PDE11A: variants seen among roughly 807,000 people sequenced by gnomAD.
PDE11A encodes the protein dual 3',5'-cyclic-AMP and -GMP phosphodiesterase 11A.
In PDE11A, 100 loss-of-function variants were observed where a neutral mutation model predicts 100.5. That is an observed-to-expected ratio of 1.00 (90% CI 0.85 to 1.18). The LOEUF (loss-of-function observed/expected upper bound fraction) is 1.18. Among genes scored for constraint, PDE11A ranks in the 50% most tolerant of loss-of-function variants. The pLI is 0.00. For missense variants in PDE11A, 1,141 were observed against 1,152.6 expected, an observed-to-expected ratio of 0.99 and a Z score of 0.15; for synonymous variants, 381 against 420.8, an observed-to-expected ratio of 0.91 and a Z score of 1.16.
chr2:177,767,200 C>T (rs750538937), intron 10 of PDE11A, among the ~76,000 whole-genome samples: 5 of 152,094 alleles, frequency 3.3e-5, no homozygotes, highest in African/African-American at 1.2e-4. Context: ...CATGGTGATG[C>T]GCGCCTGTAA....
At chr2:177,842,717 G>A (rs1303451355) in intron 5 of PDE11A, among the ~76,000 whole-genome samples, 1 of 152,186 alleles carries the variant, frequency 6.6e-6, no homozygotes, top group Non-Finnish European at 1.5e-5. Context: ...GACTCAAGAG[G>A]TACTGCAGAA....
intron 2 of PDE11A, among the ~76,000 whole-genome samples, chr2:178,081,267 C>T (rs1463091721): frequency 6.6e-6 from 1 of 152,096 alleles, no homozygotes; most frequent in South Asian, 2.1e-4. Flanking sequence ...TATAAATACA[C>T]GTTTTTGGCA....
intron 1 of PDE11A, among the ~76,000 whole-genome samples, chr2:178,029,638 A>G (rs1013037796): frequency 3.3e-5 from 5 of 152,182 alleles, no homozygotes; most frequent in African/African-American, 1.2e-4. Context: ...AAATGGAAAA[A>G]ATAATACAAA....
chr2:177,841,640 A>G (rs1194740196), intron 5 of PDE11A, among the ~76,000 whole-genome samples: 1 of 152,244 alleles, frequency 6.6e-6, no homozygotes, highest in African/African-American at 2.4e-5. Flanking sequence ...CATCATTAAT[A>G]TATCTCATCT....
At position 177,902,450 on chromosome 2, in the gene PDE11A, C is replaced by G. The variant is rs372134395; in HGVS notation, c.1161+2648G>C. On this transcript the variant is annotated intron_variant, in intron 3 of 19. Transcript: ENST00000286063. ...ACTCTCTTCACACGGATGTGTGTGACAATATCCAATTCAACAGATAATGGA... is the reference window on the plus strand; with the variant it reads ...ACTCTCTTCACACGGATGTGTGTGAGAATATCCAATTCAACAGATAATGGA... Among the ~76,000 whole-genome samples the G allele has an allele frequency of 5.3e-5, 8 of 152,326 alleles. No homozygotes were observed. The East Asian group carries it at 9.6e-4, about 18-fold the overall frequency.
chr2:177,673,681 A>G (rs984237373), intron 17 of PDE11A, among the ~76,000 whole-genome samples: 1 of 152,080 alleles, frequency 6.6e-6, no homozygotes, highest in African/African-American at 2.4e-5. Context: ...TGGAGGAAGG[A>G]TGGGTATATT....
intron 2 of PDE11A, among the ~76,000 whole-genome samples, chr2:178,012,628 T>G (rs934582545): frequency 2.0e-5 from 3 of 152,172 alleles, no homozygotes; most frequent in Non-Finnish European, 4.4e-5. Flanking sequence ...CAGAGTCCTG[T>G]GCAAATCTTC....
chr2:177,699,540 T>C (rs1403049063), intron 14 of PDE11A, among the ~76,000 whole-genome samples: 1 of 152,212 alleles, frequency 6.6e-6, no homozygotes, highest in Non-Finnish European at 1.5e-5. Context: ...TTATGTGCCT[T>C]AACGTTTTGG....
intron 2 of PDE11A, among the ~76,000 whole-genome samples, chr2:177,939,093 G>T (rs529197662): frequency 3.3e-5 from 5 of 152,146 alleles, no homozygotes; most frequent in Non-Finnish European, 7.4e-5. Context: ...CTGGTATTTT[G>T]TTATTCCAGC....
At chr2:177,796,319 G>A (rs1452958352) in intron 9 of PDE11A, among the ~76,000 whole-genome samples, 2 of 152,024 alleles carry the variant, frequency 1.3e-5, no homozygotes, top group South Asian at 4.1e-4. Context: ...TATATTCCAG[G>A]TACCTGGGAT....
At chr2:177,680,940 A>C (rs1461666438) in intron 15 of PDE11A, 37 bp from the exon 16 acceptor site, 2 of 1,188,770 alleles carry the variant, frequency 1.7e-6, no homozygotes, top group East Asian at 2.3e-5. Flanking sequence ...AAGAAAAAAA[A>C]AACTGGAATG....
At chr2:177,735,095 C>T (rs2081755953) in intron 10 of PDE11A, among the ~76,000 whole-genome samples, 1 of 152,218 alleles carries the variant, frequency 6.6e-6, no homozygotes, top group South Asian at 2.1e-4. Context: ...TACAGAGAAG[C>T]AAACGGGCAA....
chr2:178,002,923 C>T (rs751465308), intron 2 of PDE11A, among the ~76,000 whole-genome samples: 2 of 152,022 alleles, frequency 1.3e-5, no homozygotes, highest in African/African-American at 2.4e-5. Context: ...TTAAAACAAA[C>T]GTTCCACCAA....
intron 1 of PDE11A, among the ~76,000 whole-genome samples, chr2:178,050,258 G>A (rs2086806834): frequency 6.6e-6 from 1 of 152,196 alleles, no homozygotes; most frequent in Non-Finnish European, 1.5e-5. Flanking sequence ...TGGACCTCCA[G>A]CAAACTCCAA....
At chr2:177,744,313 C>T (rs938322538) in intron 10 of PDE11A, among the ~76,000 whole-genome samples, 8 of 150,080 alleles carry the variant, frequency 5.3e-5, no homozygotes, top group African/African-American at 1.7e-4. Context: ...GTGTGCCAAC[C>T]AGTTGGACCT....
At chr2:178,010,090 T>C (rs2086258617) in intron 2 of PDE11A, among the ~76,000 whole-genome samples, 2 of 152,192 alleles carry the variant, frequency 1.3e-5, no homozygotes, top group African/African-American at 4.8e-5. Context: ...CTAAGCACTT[T>C]ACATCTATTA....
At chr2:177,721,608 T>C (rs548483023) in intron 12 of PDE11A, among the ~76,000 whole-genome samples, 4 of 152,116 alleles carry the variant, frequency 2.6e-5, no homozygotes, top group Non-Finnish European at 5.9e-5. Flanking sequence ...ACCCTAACAA[T>C]ATTTGTGCTT....
Position 177,660,893 on chromosome 2 carries a change from A to G in PDE11A, c.2646+2973T>C, listed in dbSNP as rs554475684. ...GAAGTCAAAAAGCTGTACCAAAACC[A>G]TATGCATATGTACTGCCCAGCAGCC... On this transcript the variant is annotated intron_variant, in intron 19 of 19. Coordinates refer to ENST00000286063, the MANE Select transcript of PDE11A (RefSeq NM_016953.4). Among the ~76,000 whole-genome samples the G allele has an allele frequency of 5.7e-4, 87 of 152,350 alleles. 1 individual carries two copies. Among genetic ancestry groups the G allele is most frequent in the African/African-American group, 2.0e-3 (84 of 41,572 alleles).
intron 5 of PDE11A, among the ~76,000 whole-genome samples, chr2:177,870,144 A>G (rs1303456928): frequency 6.6e-6 from 1 of 152,040 alleles, no homozygotes; most frequent in African/African-American, 2.4e-5. Context: ...GATGTATTTC[A>G]GTAACCAAAT....
Sources: gnomAD v4.1 joint callset for allele counts (sites outside exome capture counted in the v4.1 genomes callset) on GRCh38, gnomAD v4.1.1 for gene constraint, MANE v1.5 for transcripts, NCBI Gene and HGNC (gene_info 2026-07-23, HGNC 2026-07-21) for gene names.